Variants in ZFAT observed in about 807,000 individuals in gnomAD.
ZFAT encodes the protein zinc finger protein ZFAT.
In ZFAT, 64 loss-of-function variants were observed where a neutral mutation model predicts 117.7. The ratio of observed to expected loss-of-function variants is 0.54; its 90% CI spans 0.44 to 0.67. ZFAT has a LOEUF of 0.67. ZFAT is among the 30% of genes least tolerant of loss of function. The probability of loss-of-function intolerance (pLI) is 0.00; values close to 1 mark genes in which losing one functional copy is unlikely to be tolerated. For missense variants in ZFAT, 1,433 were observed against 1,584.5 expected, an observed-to-expected ratio of 0.90 and a Z score of 1.62; for synonymous variants, 679 against 615.0, an observed-to-expected ratio of 1.10 and a Z score of -1.54.
At chr8:134,628,997 C>T (rs1456641762) in intron 3 of ZFAT, among the ~76,000 whole-genome samples, 1 of 152,152 alleles carries the variant, frequency 6.6e-6, no homozygotes, top group Non-Finnish European at 1.5e-5. Context: ...CTGGTGTACA[C>T]AGAGCATGAA....
At chr8:134,597,073 G>C (rs1827006346) in intron 7 of ZFAT, among the ~76,000 whole-genome samples, 1 of 151,638 alleles carries the variant, frequency 6.6e-6, no homozygotes, top group Non-Finnish European at 1.5e-5. Context: ...AAGTAAAGCT[G>C]TTACCAAAAA....
intron 1 of ZFAT, among the ~76,000 whole-genome samples, chr8:134,681,939 A>C (rs1833090202): frequency 6.6e-6 from 1 of 152,250 alleles, no homozygotes; most frequent in Non-Finnish European, 1.5e-5. Flanking sequence ...TTATATATTC[A>C]GGAAGAGACT....
chr8:134,788,820 T>C, the ZFAT span, among the ~76,000 whole-genome samples: 1 of 152,174 alleles, frequency 6.6e-6, no homozygotes, highest in Non-Finnish European at 1.5e-5. Flanking sequence ...TTATAAAATG[T>C]CCCTCTTTAT....
chr8:134,648,782 T>C (rs1178007257), intron 2 of ZFAT, among the ~76,000 whole-genome samples: 1 of 152,124 alleles, frequency 6.6e-6, no homozygotes, highest in Non-Finnish European at 1.5e-5. Flanking sequence ...TCTCAAGTCA[T>C]GCTATGAGGC....
chr8:134,667,492 CAAAAAAAA>C (rs34820180), intron 1 of ZFAT, among the ~76,000 whole-genome samples: 1 of 64,222 alleles, frequency 1.6e-5, no homozygotes, highest in African/African-American at 6.4e-5. Context: ...GACTAAGTCT[CAAAAAAAA>C]AAAAAAAAAA....
chr8:134,824,469 A>C, the ZFAT span, among the ~76,000 whole-genome samples: 1 of 152,242 alleles, frequency 6.6e-6, no homozygotes, highest in Non-Finnish European at 1.5e-5. Context: ...AATACTATGC[A>C]AACTTCCACG....
At chr8:134,528,732 G>T (rs956134620) in intron 12 of ZFAT, among the ~76,000 whole-genome samples, 1 of 152,142 alleles carries the variant, frequency 6.6e-6, no homozygotes, top group African/African-American at 2.4e-5. Context: ...AGCTAACTCC[G>T]CTCCAGGGCA....
chr8:134,564,983 T>C, intron 11 of ZFAT: 1 of 1,252,366 alleles, frequency 8.0e-7, no homozygotes, highest in Non-Finnish European at 1.0e-6. Context: ...ATCGGGTGAC[T>C]CACCTGCAGC....
chr8:134,545,800 T>C (rs1822651840), intron 11 of ZFAT, among the ~76,000 whole-genome samples: 2 of 152,244 alleles, frequency 1.3e-5, no homozygotes, highest in Non-Finnish European at 2.9e-5. Flanking sequence ...GGTCTATTTC[T>C]GGGCAGCAGC....
the ZFAT span, among the ~76,000 whole-genome samples, chr8:134,727,413 G>T: frequency 6.6e-6 from 1 of 152,056 alleles, no homozygotes; most frequent in African/African-American, 2.4e-5. Context: ...CAGAGGAAAG[G>T]GTCCTGTCAC....
intron 11 of ZFAT, among the ~76,000 whole-genome samples, chr8:134,537,293 C>T (rs1821910869): frequency 6.6e-6 from 1 of 152,170 alleles, no homozygotes. Flanking sequence ...GATTTGGGGC[C>T]CCAGGCCCAG....
intron 3 of ZFAT, among the ~76,000 whole-genome samples, chr8:134,619,778 T>A (rs915852316): frequency 6.6e-6 from 1 of 152,154 alleles, no homozygotes; most frequent in Admixed American, 6.5e-5. Flanking sequence ...GTCTCCACCA[T>A]CCTGGTGAGG....
intron 2 of ZFAT, among the ~76,000 whole-genome samples, chr8:134,652,905 A>C (rs1322547837): frequency 6.6e-6 from 1 of 152,204 alleles, no homozygotes; most frequent in African/African-American, 2.4e-5. Flanking sequence ...CTACACAGCA[A>C]TTCTCCTAGG....
chr8:134,824,391 T>A, the ZFAT span, among the ~76,000 whole-genome samples: 1 of 152,196 alleles, frequency 6.6e-6, no homozygotes, highest in Non-Finnish European at 1.5e-5. Context: ...AGCAGGCAAG[T>A]GATAAGAGCA....
At chr8:134,533,993 T>C (rs1003398646) in intron 11 of ZFAT, among the ~76,000 whole-genome samples, 1 of 152,180 alleles carries the variant, frequency 6.6e-6, no homozygotes, top group Non-Finnish European at 1.5e-5. Flanking sequence ...CCCAGCAGCC[T>C]TCTAGCCCAG....
the ZFAT span, among the ~76,000 whole-genome samples, chr8:134,779,088 C>T: frequency 6.6e-6 from 1 of 152,136 alleles, no homozygotes; most frequent in East Asian, 1.9e-4. Context: ...AAACTCCTGG[C>T]TTAGATAATT....
chr8:134,550,325 A>AAAAAAAAAAAAAACAAC (rs1554643709), intron 11 of ZFAT, among the ~76,000 whole-genome samples: 1 of 150,536 alleles, frequency 6.6e-6, no homozygotes, highest in African/African-American at 2.5e-5. Flanking sequence ...AAAAAAAAAA[A>AAAAAAAAAAAAAACAAC]AAAAAAACAG....
the ZFAT span, among the ~76,000 whole-genome samples, chr8:134,729,796 A>G: frequency 6.6e-6 from 1 of 152,162 alleles, no homozygotes; most frequent in African/African-American, 2.4e-5. Context: ...GGCATATTCT[A>G]AAACTTTGTA....
chr8:134,692,116 C>T (rs981001657), intron 1 of ZFAT, among the ~76,000 whole-genome samples: 10 of 152,146 alleles, frequency 6.6e-5, no homozygotes, highest in African/African-American at 1.7e-4. Flanking sequence ...AGATTACAGA[C>T]GTAAGCCACC....
Sources: allele counts gnomAD v4.1 joint callset (sites outside exome capture counted in the v4.1 genomes callset), GRCh38; gene constraint gnomAD v4.1.1; transcripts MANE v1.5; gene names NCBI Gene and HGNC (gene_info 2026-07-23, HGNC 2026-07-21).